Variants in CIST1 observed in about 807,000 individuals in gnomAD.
CIST1 encodes the protein uncharacterized LOC729966.
the CIST1 span, among the ~76,000 whole-genome samples, chr19:18,252,649 GCT>G: frequency 2.7e-5 from 4 of 148,858 alleles, no homozygotes; most frequent in African/African-American, 9.9e-5. Context: ...ATGGCGTCTC[GCT>G]CTGTCACCCA....
chr19:18,253,561 A>ACAC, the CIST1 span, among the ~76,000 whole-genome samples: 1 of 56,918 alleles, frequency 1.8e-5, no homozygotes, highest in Non-Finnish European at 3.3e-5. Flanking sequence ...AAAAAAAAAA[A>ACAC]AAACACACAC....
the CIST1 span, chr19:18,252,034 C>T: frequency 2.5e-6 from 1 of 398,736 alleles, no homozygotes; most frequent in Admixed American, 4.4e-5. Flanking sequence ...CGCCACCTCC[C>T]TACAAACACC....
chr19:18,254,147 A>C, the CIST1 span, among the ~76,000 whole-genome samples: 5 of 152,310 alleles, frequency 3.3e-5, no homozygotes, highest in African/African-American at 9.6e-5. Context: ...ACAGATGAGA[A>C]ACTGAGGCTC....
chr19:18,251,324 C>T, the CIST1 span, among the ~76,000 whole-genome samples: 4 of 151,572 alleles, frequency 2.6e-5, no homozygotes, highest in African/African-American at 4.9e-5. Context: ...CGGGGTTTCA[C>T]CATGTTGGCC....
the CIST1 span, among the ~76,000 whole-genome samples, chr19:18,250,669 C>A: frequency 6.6e-6 from 1 of 151,812 alleles, no homozygotes; most frequent in Non-Finnish European, 1.5e-5. Flanking sequence ...TGCAGTAGTG[C>A]AATCACAGCT....
the CIST1 span, among the ~76,000 whole-genome samples, chr19:18,254,742 G>A: frequency 2.0e-5 from 3 of 152,120 alleles, no homozygotes; most frequent in African/African-American, 7.2e-5. Flanking sequence ...AGAAGCTCAA[G>A]GCTCCTCCCC....
At chr19:18,249,976 G>C in the CIST1 span, 7 of 396,732 alleles carry the variant, frequency 1.8e-5, no homozygotes, top group Non-Finnish European at 2.7e-5. Flanking sequence ...CCAGCACATA[G>C]TAGGTGCTCA....
chr19:18,254,104 C>A, the CIST1 span, among the ~76,000 whole-genome samples: 1 of 152,186 alleles, frequency 6.6e-6, no homozygotes, highest in South Asian at 2.1e-4. Flanking sequence ...CTAGAAGAGG[C>A]ATGGAACTCA....
the CIST1 span, chr19:18,250,588 T>G: frequency 2.5e-6 from 1 of 397,142 alleles, no homozygotes; most frequent in Non-Finnish European, 4.4e-6. Flanking sequence ...CTCTTCCCTC[T>G]CCAGTTGAGG....
chr19:18,251,676 A>ACCCCCCCCCCCCCCCCCCC, the CIST1 span, among the ~76,000 whole-genome samples: 1 of 23,568 alleles, frequency 4.2e-5, no homozygotes, highest in African/African-American at 1.1e-4. Flanking sequence ...CTCGTGATAC[A>ACCCCCCCCCCCCCCCCCCC]CGCCCCCCCC....
At chr19:18,250,082 G>A in the CIST1 span, 2 of 398,728 alleles carry the variant, frequency 5.0e-6, no homozygotes, top group Non-Finnish European at 8.8e-6. Flanking sequence ...CTCCTCCCCA[G>A]GAACCCCAGC....
the CIST1 span, among the ~76,000 whole-genome samples, chr19:18,251,376 T>G: frequency 6.6e-6 from 1 of 150,736 alleles, no homozygotes; most frequent in African/African-American, 2.4e-5. Flanking sequence ...TCCTCCCACC[T>G]TGGCCTCCCA....
the CIST1 span, among the ~76,000 whole-genome samples, chr19:18,253,329 G>A: frequency 2.0e-5 from 3 of 152,096 alleles, no homozygotes; most frequent in Non-Finnish European, 2.9e-5. Context: ...GCTGTAGTGC[G>A]CCATGATTGC....
the CIST1 span, among the ~76,000 whole-genome samples, chr19:18,251,141 C>G: frequency 4.1e-5 from 6 of 148,130 alleles, no homozygotes; most frequent in Non-Finnish European, 9.0e-5. Flanking sequence ...TTTTTTCCCC[C>G]CCGAGATGGA....
At chr19:18,254,762 G>A in the CIST1 span, among the ~76,000 whole-genome samples, 1 of 152,276 alleles carries the variant, frequency 6.6e-6, no homozygotes, top group South Asian at 2.1e-4. Flanking sequence ...CTCCACCCTA[G>A]GCACTGTCTT....
At chr19:18,250,109 T>C in the CIST1 span, 1 of 398,706 alleles carries the variant, frequency 2.5e-6, no homozygotes, top group East Asian at 3.6e-5. Context: ...CATGCCCCCA[T>C]CTCTGTTGGC....
chr19:18,253,407 G>T, the CIST1 span, among the ~76,000 whole-genome samples: 1,014 of 152,110 alleles, frequency 6.7e-3, 17 homozygotes, highest in African/African-American at 0.023. Flanking sequence ...ACAAAAATTA[G>T]CCAGGCATGG....
At chr19:18,252,705 C>T in the CIST1 span, among the ~76,000 whole-genome samples, 1 of 152,006 alleles carries the variant, frequency 6.6e-6, no homozygotes. Flanking sequence ...GCAACCTCCA[C>T]CTCCTGGGTA....
the CIST1 span, among the ~76,000 whole-genome samples, chr19:18,251,135 T>C: frequency 6.6e-6 from 1 of 151,476 alleles, no homozygotes; most frequent in African/African-American, 2.4e-5. Context: ...AGTCTTTTTT[T>C]TCCCCCCCGA....
Sources: allele counts gnomAD v4.1 joint callset (sites outside exome capture counted in the v4.1 genomes callset), GRCh38; gene constraint gnomAD v4.1.1; transcripts MANE v1.5; gene names NCBI Gene and HGNC (gene_info 2026-07-23, HGNC 2026-07-21).